The following GRIN2B variants were observed in gnomAD, a reference collection of about 807,000 sequenced individuals.
GRIN2B encodes the protein glutamate ionotropic receptor NMDA type subunit 2B, also known as glutamate receptor ionotropic, NMDA 2B.
A neutral mutation model predicts 114.5 loss-of-function variants in GRIN2B; 5 were observed. The ratio of observed to expected loss-of-function variants is 0.04; its 90% CI spans 0.02 to 0.09. The LOEUF is 0.09. GRIN2B is among the 10% of genes least tolerant of loss of function. The pLI is 1.00. For missense variants in GRIN2B, 1,108 were observed against 1,943.5 expected (o/e 0.57, Z 8.08); for synonymous variants, 787 against 745.1 (o/e 1.06, Z -0.92).
chr12:13,677,602 G>A (rs746586240), intron 4 of GRIN2B, among the ~76,000 whole-genome samples: 4 of 152,002 alleles, frequency 2.6e-5, no homozygotes, highest in Admixed American at 6.6e-5. Context: ...TACAGTTTAT[G>A]CTTCCCTTCT....
chr12:13,809,771 C>T (rs1347594621), intron 3 of GRIN2B, among the ~76,000 whole-genome samples: 1 of 152,186 alleles, frequency 6.6e-6, no homozygotes, highest in Non-Finnish European at 1.5e-5. Context: ...CTGAATTGGC[C>T]TTTTGTCCCA....
At chr12:13,956,622 G>C (rs1867597164) in intron 2 of GRIN2B, among the ~76,000 whole-genome samples, 1 of 152,122 alleles carries the variant, frequency 6.6e-6, no homozygotes, top group Admixed American at 6.5e-5. Flanking sequence ...GCTCACATCT[G>C]TCTGCCCAGC....
intron 3 of GRIN2B, among the ~76,000 whole-genome samples, chr12:13,827,227 TTC>T (rs1423488608): frequency 8.6e-6 from 1 of 115,642 alleles, no homozygotes; most frequent in East Asian, 2.5e-4. Context: ...TATTGTTGTT[TTC>T]TTTTTTTTTT....
intron 3 of GRIN2B, among the ~76,000 whole-genome samples, chr12:13,789,173 G>T (rs1052921746): frequency 3.3e-5 from 5 of 152,112 alleles, no homozygotes; most frequent in Non-Finnish European, 5.9e-5. Flanking sequence ...CATGTCAGAG[G>T]TTATAAACTC....
chr12:13,830,819 G>A (rs1865131626), intron 3 of GRIN2B, among the ~76,000 whole-genome samples: 1 of 152,156 alleles, frequency 6.6e-6, no homozygotes, highest in South Asian at 2.1e-4. Flanking sequence ...GGCCTAACAG[G>A]AAAAATCTCA....
rs531493139 is a variant in GRIN2B at position 13,605,935 on chromosome 12, G to A, written c.2010+2668C>T. On this transcript the variant is annotated intron_variant, in intron 10 of 13. Transcript: ENST00000609686. ...CCTCATCTCTGCCATATTGATGCAC[G>A]GTGACATGATCTCACCATACAGTGC... Among the ~76,000 whole-genome samples, 59 of 152,222 alleles carry A rather than the reference G, an allele frequency of 3.9e-4. 1 individual carries two copies. The South Asian group carries it at 0.011, about 29-fold the overall frequency.
intron 2 of GRIN2B, among the ~76,000 whole-genome samples, chr12:13,903,803 C>T (rs372363129): frequency 1.3e-5 from 2 of 152,058 alleles, no homozygotes; most frequent in South Asian, 2.1e-4. Flanking sequence ...TTAAAACCTC[C>T]TATCATAATC....
At chr12:13,964,775 G>A (rs779977580) in intron 2 of GRIN2B, among the ~76,000 whole-genome samples, 1 of 152,204 alleles carries the variant, frequency 6.6e-6, no homozygotes, top group Non-Finnish European at 1.5e-5. Flanking sequence ...CGGGTTTGGG[G>A]GTCAAGGAGG....
chr12:13,743,001 G>A (rs561001701), intron 4 of GRIN2B, among the ~76,000 whole-genome samples: 2 of 152,224 alleles, frequency 1.3e-5, no homozygotes, highest in African/African-American at 4.8e-5. Context: ...TGAAAGAGTG[G>A]AAAGCTAGCA....
At chr12:13,923,364 G>A (rs941216388) in intron 2 of GRIN2B, among the ~76,000 whole-genome samples, 7 of 152,162 alleles carry the variant, frequency 4.6e-5, no homozygotes, top group South Asian at 2.1e-4. Context: ...CACACATAAC[G>A]GAACAAATCA....
intron 2 of GRIN2B, among the ~76,000 whole-genome samples, chr12:13,881,020 GCGCGCA>G (rs1350356238): frequency 3.3e-5 from 5 of 152,140 alleles, no homozygotes; most frequent in Non-Finnish European, 7.4e-5. Flanking sequence ...GTGTGCGCGT[GCGCGCA>G]CGCATGTGCG....
intron 4 of GRIN2B, among the ~76,000 whole-genome samples, chr12:13,696,120 A>C (rs1054404045): frequency 3.9e-5 from 6 of 152,288 alleles, no homozygotes; most frequent in Admixed American, 3.3e-4. Flanking sequence ...TGGCAAAGGA[A>C]GAAGAAATGC....
chr12:13,798,633 A>G (rs1864456511), intron 3 of GRIN2B, among the ~76,000 whole-genome samples: 1 of 152,226 alleles, frequency 6.6e-6, no homozygotes, highest in Non-Finnish European at 1.5e-5. Flanking sequence ...CTGCCTTAAG[A>G]TAACAAATGA....
chr12:13,808,799 G>A (rs1237694517), intron 3 of GRIN2B, among the ~76,000 whole-genome samples: 1 of 148,968 alleles, frequency 6.7e-6, no homozygotes, highest in Admixed American at 6.7e-5. Context: ...TGACTGAGGG[G>A]GTTCCCGAGC....
intron 2 of GRIN2B, among the ~76,000 whole-genome samples, chr12:13,974,933 A>G (rs1310366890): frequency 6.6e-6 from 1 of 152,220 alleles, no homozygotes; most frequent in Non-Finnish European, 1.5e-5. Flanking sequence ...GCAGGAGGAC[A>G]TAAGAAGAAA....
rs1865821135 is a variant in GRIN2B, at chr12:13,866,007, C to T, written c.202G>A (p.Val68Met). The change falls in exon 3 of 14, where the codon GTG becomes ATG. Residue 68 changes from valine to methionine, a missense_variant. By Grantham distance (21) the Val-to-Met change is conservative (BLOSUM62 1). This residue lies in a region of GRIN2B where 199 missense variants were observed against 439.6 expected (regional missense o/e 0.45). Transcript: ENST00000609686. The stretch of plus-strand genomic sequence containing the variant: ...GTCTCATTCATGGCTACCAGTTCCA[C>T]CCGGGGTACCACGGAGAGATGGTGG... ...DFHHLSVVPR[V>M]ELVAMNETDP... is the part of the protein sequence containing the mutation. The T allele has an allele frequency of 6.2e-7, 1 of 1,613,940 alleles. No homozygotes were observed. The highest frequency in any genetic ancestry group is 1.7e-5 in the Admixed American group (1 of 60,000).
chr12:13,960,906 C>T (rs1867677939), intron 2 of GRIN2B, among the ~76,000 whole-genome samples: 2 of 152,154 alleles, frequency 1.3e-5, no homozygotes, highest in Admixed American at 1.3e-4. Context: ...TGGACCTTTA[C>T]ATCAAAGAAT....
At chr12:13,817,512 A>C (rs1343002198) in intron 3 of GRIN2B, among the ~76,000 whole-genome samples, 1 of 152,218 alleles carries the variant, frequency 6.6e-6, no homozygotes, top group Non-Finnish European at 1.5e-5. Flanking sequence ...TGATAAAATA[A>C]ACTTGGGACA....
At chr12:13,651,730 G>A (rs1949814879) in intron 5 of GRIN2B, among the ~76,000 whole-genome samples, 1 of 152,038 alleles carries the variant, frequency 6.6e-6, no homozygotes, top group Non-Finnish European at 1.5e-5. Flanking sequence ...TATATCAGAA[G>A]TTGTTTTCTA....
Sources: gnomAD v4.1 joint callset for allele counts (sites outside exome capture counted in the v4.1 genomes callset) on GRCh38, gnomAD v4.1.1 for gene constraint, gnomAD v4.1.1 regional missense constraint, MANE v1.5 for transcripts, NCBI Gene and HGNC (gene_info 2026-07-23, HGNC 2026-07-21) for gene names.